SOD3: variants seen among roughly 807,000 people sequenced by gnomAD.
SOD3 encodes the protein extracellular superoxide dismutase [Cu-Zn].
Under a neutral mutation model 2.6 loss-of-function variants are expected in SOD3, and 3 were observed. The ratio of observed to expected loss-of-function variants is 1.13; its 90% CI spans 0.52 to 2.93. The LOEUF (loss-of-function observed/expected upper bound fraction) is 2.93. SOD3 is among the 30% of genes most tolerant of loss of function. The pLI is 0.04. For synonymous variants in SOD3, 188 were observed against 177.5 expected, an observed-to-expected ratio of 1.06 and a Z score of -0.47; for missense variants, 379 against 370.4, an observed-to-expected ratio of 1.02 and a Z score of -0.19.
rs765070633 is a variant in SOD3 at position 24,799,584 on chromosome 4, C to T, written c.63C>T (p.Gly21=). 3 of 1,603,074 alleles carry T rather than the reference C, an allele frequency of 1.9e-6. No homozygotes were observed. In the Admixed American group the frequency reaches 5.0e-5, roughly 27 times the overall value. The part of the protein sequence containing the change: ...LAAGASDAWT[G]EDSAEPNSDS... Reference sequence around the variant, plus strand: ...CCGGTGCCTCGGACGCCTGGACGGGCGAGGACTCGGCGGAGCCCAACTCTG... The same window carrying T: ...CCGGTGCCTCGGACGCCTGGACGGGTGAGGACTCGGCGGAGCCCAACTCTG... The change falls in exon 2 of 2, where the codon GGC becomes GGT. Residue 21 remains glycine, a synonymous_variant. Transcript: ENST00000382120.
At chr4:24,796,109 G>A (rs1266417560) in intron 1 of SOD3, among the ~76,000 whole-genome samples, 2 of 152,188 alleles carry the variant, frequency 1.3e-5, no homozygotes, top group African/African-American at 4.8e-5. Flanking sequence ...AGAGGGGCAG[G>A]TTCTTCCCAG....
rs1713859108 is a variant in SOD3 at position 24,800,433 on chromosome 4, G to A, written c.*189G>A. 1 of 498,268 alleles carries A rather than the reference G, an allele frequency of 2.0e-6. No homozygotes were observed. The highest frequency in any genetic ancestry group is 8.6e-5 in the South Asian group (1 of 11,652). 30.9% of individuals were successfully genotyped at this position (498,268 alleles called of 1,614,324 possible). A position where few individuals can be genotyped will look rare whatever the true frequency, so the allele number is the denominator to read the frequency against. The stretch of plus-strand genomic sequence containing the variant: ...CCACCATCCTTCCATCCTGAGGACC[G>A]CCCCAACCCTCGGAGCCCCCCACTC... On this transcript the variant is annotated 3_prime_UTR_variant, in exon 2 of 2. Coordinates refer to ENST00000382120, the MANE Select transcript of SOD3 (RefSeq NM_003102.4).
At chr4:24,798,931 T>C (rs1713748917) in intron 1 of SOD3, among the ~76,000 whole-genome samples, 1 of 152,216 alleles carries the variant, frequency 6.6e-6, no homozygotes, top group Admixed American at 6.5e-5. Context: ...ATCCATATTA[T>C]ATGTTTCCTT....
chr4:24,796,242 C>G (rs1331935170), intron 1 of SOD3, among the ~76,000 whole-genome samples: 2 of 151,684 alleles, frequency 1.3e-5, no homozygotes, highest in African/African-American at 4.8e-5. Context: ...CCTTCCAGAT[C>G]CACGTACAAA....
intron 1 of SOD3, 108 bp from the exon 2 acceptor site, chr4:24,799,398 C>T: frequency 1.5e-6 from 2 of 1,318,214 alleles, no homozygotes; most frequent in South Asian, 1.5e-5. Context: ...GGCCAGGAAG[C>T]CCACTGGGGA....
At position 24,800,317 on chromosome 4, in the gene SOD3, A is replaced by G; in HGVS notation, c.*73A>G. On this transcript the variant is annotated 3_prime_UTR_variant, in exon 2 of 2. Transcript: ENST00000382120. ...TGCCTTTGAGCTTCTCCTCTGCTCCAACAGACACCCTCCACTCTGAGGTCT... is the reference window on the plus strand; with the variant it reads ...TGCCTTTGAGCTTCTCCTCTGCTCCGACAGACACCCTCCACTCTGAGGTCT... 7 of 1,311,002 alleles carry G rather than the reference A, an allele frequency of 5.3e-6. No individual in the cohort carries two copies. Among genetic ancestry groups the G allele is most frequent in the Non-Finnish European group, 5.9e-6 (6 of 1,020,976 alleles). The allele number at this position is 1,311,002 out of a possible 1,614,324, so 81.2% of individuals were successfully genotyped here.
At chr4:24,798,342 G>T (rs1713732345) in intron 1 of SOD3, among the ~76,000 whole-genome samples, 2 of 152,008 alleles carry the variant, frequency 1.3e-5, no homozygotes, top group Non-Finnish European at 2.9e-5. Flanking sequence ...TCCAGAACAG[G>T]TCCCACCCTC....
intron 1 of SOD3, among the ~76,000 whole-genome samples, chr4:24,798,909 T>G (rs558303325): frequency 2.6e-5 from 4 of 152,216 alleles, no homozygotes; most frequent in Non-Finnish European, 5.9e-5. Flanking sequence ...CTCACTGAAC[T>G]CCTTATGCAA....
chr4:24,797,937 T>C (rs1250966439), intron 1 of SOD3, among the ~76,000 whole-genome samples: 1 of 152,178 alleles, frequency 6.6e-6, no homozygotes, highest in Non-Finnish European at 1.5e-5. Flanking sequence ...AGTAACCCCG[T>C]GAAGTCACAG....
At chr4:24,795,798 G>T (rs1035056395) in intron 1 of SOD3, 147 bp downstream of exon 1, 1 of 152,476 alleles carries the variant, frequency 6.6e-6, no homozygotes, top group African/African-American at 2.4e-5. Flanking sequence ...GCTCTGAGGG[G>T]TTAGTGGGGA....
chr4:24,795,623 G>A lies in SOD3; in HGVS notation c.-45G>A, dbSNP rs1210764255. The A allele has an allele frequency of 1.3e-5, 2 of 152,344 alleles. No homozygotes were observed. The highest frequency in any genetic ancestry group is 2.9e-5 in the Non-Finnish European group (2 of 68,154). The allele number at this position is 152,344 out of a possible 1,614,324, so 9.4% of individuals were successfully genotyped here. On this transcript the variant is annotated 5_prime_UTR_variant, in exon 1 of 2. Coordinates refer to ENST00000382120, the MANE Select transcript of SOD3 (RefSeq NM_003102.4). ...GCTGGGTGCAGCTCTCTTTTCAGGAGAGAAAGCTCTCTTGGAGGAGCTGGA... is the reference window on the plus strand; with the variant it reads ...GCTGGGTGCAGCTCTCTTTTCAGGAAAGAAAGCTCTCTTGGAGGAGCTGGA...
chr4:24,796,166 C>T (rs1440456866), intron 1 of SOD3, among the ~76,000 whole-genome samples: 1 of 151,958 alleles, frequency 6.6e-6, no homozygotes, highest in Non-Finnish European at 1.5e-5. Flanking sequence ...CTATTTGGTT[C>T]AGGATAAGGG....
Position 24,799,616 on chromosome 4 carries a change from C to A in SOD3, c.95C>A (p.Ala32Glu). 6.2e-7 allele frequency: 1 copy of A among 1,604,426 alleles called. No homozygotes were observed. Among genetic ancestry groups the A allele is most frequent in the Non-Finnish European group, 8.5e-7 (1 of 1,178,468 alleles). ...EDSAEPNSDS[A>E]EWIRDMYAKV... ...TCGGCGGAGCCCAACTCTGACTCGG[C>A]GGAGTGGATCCGAGACATGTACGCC... is the stretch of plus-strand genomic sequence containing the variant. Residue 32 changes from alanine (A) to glutamate (E), a missense_variant, in exon 2 of 2, where the codon GCG (alanine) becomes GAG (glutamate). By Grantham distance (107) the Ala-to-Glu change is moderately radical. Transcript: ENST00000382120.
At position 24,799,752 on chromosome 4, in the gene SOD3, G is replaced by C; in HGVS notation, c.231G>C (p.Arg77=). The C allele has an allele frequency of 6.4e-7, 1 of 1,562,882 alleles. No individual in the cohort carries two copies. The highest frequency in any genetic ancestry group is 8.6e-7 in the Non-Finnish European group (1 of 1,160,424). The change falls in exon 2 of 2, where the codon CGG becomes CGC. Residue 77 remains arginine (R), a synonymous_variant. Coordinates refer to ENST00000382120, the MANE Select transcript of SOD3 (RefSeq NM_003102.4). ...PSATLDAAQP[R]VTGVVLFRQL... is the part of the protein sequence containing the mutation. ...CCACGCTGGACGCCGCGCAGCCCCG[G>C]GTGACCGGCGTCGTCCTCTTCCGGC...
intron 1 of SOD3, 120 bp downstream of exon 1, chr4:24,795,771 A>T (rs569927519): frequency 6.6e-6 from 1 of 152,466 alleles, no homozygotes; most frequent in African/African-American, 2.4e-5. Flanking sequence ...TGGGAAGGAA[A>T]TGTACTTTCC....
In SOD3 at chr4:24,799,913, A is replaced by G; in HGVS notation, c.392A>G (p.His131Arg). The change falls in exon 2 of 2, where the codon CAC becomes CGC. Residue 131 changes from histidine (H) to arginine (R), a missense_variant. By Grantham distance (29) the His-to-Arg change is conservative (BLOSUM62 0). Transcript: ENST00000382120. ...CAGGGCTGCGAGTCCACCGGGCCCC[A>G]CTACAACCCGCTGGCCGTGCCGCAC... is the stretch of plus-strand genomic sequence containing the variant. ...LSQGCESTGP[H>R]YNPLAVPHPQ... The G allele has an allele frequency of 6.3e-7, 1 of 1,599,726 alleles. No homozygotes were observed. The highest frequency in any genetic ancestry group is 1.3e-5 in the African/African-American group (1 of 74,670).
intron 1 of SOD3, among the ~76,000 whole-genome samples, chr4:24,797,100 G>A (rs1713687785): frequency 6.6e-6 from 1 of 152,174 alleles, no homozygotes; most frequent in Non-Finnish European, 1.5e-5. Flanking sequence ...CCTTCTTGGA[G>A]CCTTTCAAGG....
chr4:24,795,642 A>C lies in SOD3; in HGVS notation c.-26A>C, dbSNP rs1713633552. 1 of 151,894 alleles carries C rather than the reference A, an allele frequency of 6.6e-6. No homozygotes were observed. 9.4% of individuals were successfully genotyped at this position (151,894 alleles called of 1,614,324 possible). A position where few individuals can be genotyped will look rare whatever the true frequency, so the allele number is the denominator to read the frequency against. Reference sequence around the variant, plus strand: ...TCAGGAGAGAAAGCTCTCTTGGAGGAGCTGGAAAGGTGGGTGCTAAGTTGA... The same window carrying C: ...TCAGGAGAGAAAGCTCTCTTGGAGGCGCTGGAAAGGTGGGTGCTAAGTTGA... On this transcript the variant is annotated 5_prime_UTR_variant, in exon 1 of 2. Coordinates refer to ENST00000382120, the MANE Select transcript of SOD3 (RefSeq NM_003102.4).
In SOD3 at chr4:24,800,003, C is replaced by T. The variant is rs770562375; in HGVS notation, c.482C>T (p.Ala161Val). Residue 161 changes from alanine (A) to valine (V), a missense_variant, in exon 2 of 2, where the codon GCC becomes GTC. Transcript: ENST00000382120. ...GACGGCAGCCTCTGGAGGTACCGCG[C>T]CGGCCTGGCCGCCTCGCTCGCGGGC... ...VRDGSLWRYR[A>V]GLAASLAGPH... 1.8e-5 allele frequency: 28 copies of T among 1,556,994 alleles called. No individual in the cohort carries two copies. Among genetic ancestry groups the T allele is most frequent in the Middle Eastern group, 3.5e-4 (2 of 5,754 alleles).
Sources: gnomAD v4.1 joint callset for allele counts (sites outside exome capture counted in the v4.1 genomes callset) on GRCh38, gnomAD v4.1.1 for gene constraint, MANE v1.5 for transcripts, NCBI Gene and HGNC (gene_info 2026-07-23, HGNC 2026-07-21) for gene names.